MTG2: variants seen among roughly 807,000 people sequenced by gnomAD.
MTG2 encodes mitochondrial ribosome associated GTPase 2.
Under a neutral mutation model 28.6 loss-of-function variants are expected in MTG2, and 23 were observed. That is an observed-to-expected ratio of 0.80 (90% confidence interval 0.58 to 1.14). The LOEUF (loss-of-function observed/expected upper bound fraction) is 1.14, where lower values mean the gene tolerates loss of function less well. Ranked by LOEUF, MTG2 falls within the 50% of genes most tolerant of loss-of-function variation. The pLI, the probability that MTG2 is intolerant of heterozygous loss-of-function variation, is 0.00. For missense variants in MTG2, 539 were observed against 552.0 expected (o/e 0.98, Z 0.24); for synonymous variants, 260 against 251.8 (o/e 1.03, Z -0.31).
intron 1 of MTG2, among the ~76,000 whole-genome samples, chr20:62,192,978 C>A (rs1459935232): frequency 1.3e-5 from 2 of 152,182 alleles, no homozygotes; most frequent in Non-Finnish European, 2.9e-5. Flanking sequence ...GCCGCTATGC[C>A]CCATGTTTAA....
intron 2 of MTG2, among the ~76,000 whole-genome samples, chr20:62,195,240 G>C (rs1288213314): frequency 6.6e-6 from 1 of 152,146 alleles, no homozygotes; most frequent in Non-Finnish European, 1.5e-5. Context: ...CCAGCGAGGG[G>C]CTCTGTTTGC....
chr20:62,193,908 A>T (rs2058009327), intron 2 of MTG2: 1 of 385,986 alleles, frequency 2.6e-6, no homozygotes, highest in Admixed American at 4.4e-5. Context: ...TGTATGTTAC[A>T]TATATCCTTT....
rs567424182 is a variant in MTG2, at chr20:62,189,292, G to C, written c.-5-4124G>C. Among the ~76,000 whole-genome samples, 30 of 150,446 alleles carry C rather than the reference G, an allele frequency of 2.0e-4. No individual in the cohort carries two copies. In the East Asian group the frequency reaches 5.8e-3, roughly 29 times the overall value. ...TGTGCTCCAGCTTGGGTGACAGAGTGAGACTCTGTCTCAAAAAAAAAAAAG... is the reference window on the plus strand; with the variant it reads ...TGTGCTCCAGCTTGGGTGACAGAGTCAGACTCTGTCTCAAAAAAAAAAAAG... On this transcript the variant is annotated intron_variant, in intron 1 of 6. Transcript: ENST00000370823.
chr20:62,186,526 TTG>T (rs1491040322), intron 1 of MTG2, among the ~76,000 whole-genome samples: 34 of 86,904 alleles, frequency 3.9e-4, no homozygotes, highest in Admixed American at 2.8e-3. Flanking sequence ...ACTTTTTTTT[TTG>T]TTTTTTTTTT....
chr20:62,194,404 A>G lies in MTG2; in HGVS notation c.204+780A>G, dbSNP rs529771531. Among the ~76,000 whole-genome samples the G allele has an allele frequency of 3.3e-5, 5 of 152,296 alleles. No individual in the cohort carries two copies. In the South Asian group the frequency reaches 1.0e-3, roughly 32 times the overall value. Reference sequence around the variant, plus strand: ...GGCTTGTCTCCTCCCCAGGAGAGAAAGTGAGTCGAGGTTTTGTCCTCCACG... The same window carrying G: ...GGCTTGTCTCCTCCCCAGGAGAGAAGGTGAGTCGAGGTTTTGTCCTCCACG... On this transcript the variant is annotated intron_variant, in intron 2 of 6. Transcript: ENST00000370823.
At chr20:62,198,121 C>A in intron 4 of MTG2, 154 bp downstream of exon 4, 1 of 624,734 alleles carries the variant, frequency 1.6e-6, no homozygotes, top group East Asian at 2.7e-5. Flanking sequence ...AGCGGGAAAG[C>A]AGCCCCACCC....
intron 4 of MTG2, 65 bp from the exon 5 acceptor site, chr20:62,198,569 T>C: frequency 6.6e-7 from 1 of 1,525,866 alleles, no homozygotes; most frequent in Non-Finnish European, 9.0e-7. Context: ...GCTTCAGGAA[T>C]GGGTTAAGGC....
Position 62,189,664 on chromosome 20 carries a change from C to CTTT in MTG2, c.-5-3735_-5-3733dup, listed in dbSNP as rs34528319. 4.4e-3 allele frequency among the ~76,000 whole-genome samples: 503 copies of CTTT among 113,642 alleles called. 11 individuals are homozygous for CTTT. The highest frequency in any genetic ancestry group is 0.011 in the African/African-American group (344 of 31,310). The allele number at this position is 113,642 out of a possible 152,430, so 74.6% of individuals were successfully genotyped here. ...TTTAATTAGAATTTGTAAACATTAA[C>CTTT]TTTTTTTTTTTTTTTTTTTGAGATG... is the stretch of plus-strand genomic sequence containing the variant. On this transcript the variant is annotated intron_variant, in intron 1 of 6. Transcript: ENST00000370823.
intron 1 of MTG2, among the ~76,000 whole-genome samples, chr20:62,191,907 G>A (rs1433990817): frequency 6.6e-6 from 1 of 152,242 alleles, no homozygotes; most frequent in Non-Finnish European, 1.5e-5. Flanking sequence ...TGAGCGGCTT[G>A]TTGAATGAGT....
rs141436586 is a variant in MTG2, at chr20:62,199,190, C to T, written c.759C>T (p.Ser253=). The T allele has an allele frequency of 2.5e-6, 4 of 1,614,086 alleles. No individual in the cohort carries two copies. The highest frequency in any genetic ancestry group is 1.3e-5 in the African/African-American group (1 of 74,944). ...CAAACGCCAGACCCGCCGTGGCTTC[C>T]TACCCGTTCACCACCCTGAAGCCCC... ...AISNARPAVA[S]YPFTTLKPHV... is the part of the protein sequence containing the mutation. Residue 253 remains serine (S), a synonymous_variant, in exon 6 of 7, where the codon TCC becomes TCT. Coordinates refer to ENST00000370823, the MANE Select transcript of MTG2 (RefSeq NM_015666.4).
intron 1 of MTG2, chr20:62,188,745 A>T (rs1328630698): frequency 2.0e-5 from 3 of 152,160 alleles, no homozygotes; most frequent in East Asian, 3.9e-4. Context: ...TTTTTAAATT[A>T]AAAAAATTGT....
At chr20:62,184,750 A>C (rs1210153363) in intron 1 of MTG2, among the ~76,000 whole-genome samples, 1 of 152,206 alleles carries the variant, frequency 6.6e-6, no homozygotes, top group Non-Finnish European at 1.5e-5. Flanking sequence ...TGGAAAAGCA[A>C]ATGGAAGATA....
intron 1 of MTG2, among the ~76,000 whole-genome samples, chr20:62,185,786 C>T (rs1416502950): frequency 4.6e-5 from 7 of 152,176 alleles, no homozygotes; most frequent in Admixed American, 3.3e-4. Context: ...CAAATGGCCA[C>T]ATTTGGCCAG....
At position 62,202,435 on chromosome 20, in the gene MTG2, CA is replaced by C. The variant is rs1191780480; in HGVS notation, c.*1364del. ...TGAGTGACAGAGCGAGACCCTGTCT[CA>C]AAAAACAAACAAACAAACAAACAAA... On this transcript the variant is annotated 3_prime_UTR_variant, in exon 7 of 7. Coordinates refer to ENST00000370823, the MANE Select transcript of MTG2 (RefSeq NM_015666.4). 6.7e-6 allele frequency: 1 copy of C among 148,310 alleles called. No individual in the cohort carries two copies. The highest frequency in any genetic ancestry group is 1.5e-5 in the Non-Finnish European group (1 of 68,660). The allele number at this position is 148,310 out of a possible 1,614,324, so 9.2% of individuals were successfully genotyped here.
chr20:62,201,246 G>A lies in MTG2; in HGVS notation c.*169G>A, dbSNP rs2184160. ...ATGCCCTCATGTTGGGAAGCATTCC[G>A]TGCCCCCTACCCCGCCTGCCCTCCG... is the stretch of plus-strand genomic sequence containing the variant. On this transcript the variant is annotated 3_prime_UTR_variant, in exon 7 of 7. Coordinates refer to ENST00000370823, the MANE Select transcript of MTG2 (RefSeq NM_015666.4). The A allele has an allele frequency of 0.22, 182,403 of 811,554 alleles. 22,255 individuals are homozygous for A. The highest frequency in any genetic ancestry group is 0.38 in the South Asian group (20,423 of 53,504). 50.3% of individuals were successfully genotyped at this position (811,554 alleles called of 1,614,324 possible). A position where few individuals can be genotyped will look rare whatever the true frequency, so the allele number is the denominator to read the frequency against.
chr20:62,194,395 A>G (rs113141813), intron 2 of MTG2, among the ~76,000 whole-genome samples: 17 of 152,334 alleles, frequency 1.1e-4, no homozygotes, highest in African/African-American at 3.8e-4. Flanking sequence ...TCTCCTCCCC[A>G]GGAGAGAAAG....
Position 62,195,885 on chromosome 20 carries a change from C to A in MTG2, c.288C>A (p.Pro96=). The A allele has an allele frequency of 6.2e-7, 1 of 1,614,148 alleles. No homozygotes were observed. Among genetic ancestry groups the A allele is most frequent in the South Asian group, 1.1e-5 (1 of 91,076 alleles). ...GGGCAAGCTGCTTCCACAGTGAGCC[C>A]CGCAAGGAGTTTGGAGGCCCTGATG... ...GAGASCFHSE[P]RKEFGGPDGG... Residue 96 remains proline (P), a synonymous_variant, in exon 3 of 7, where the codon CCC becomes CCA. Coordinates refer to ENST00000370823, the MANE Select transcript of MTG2 (RefSeq NM_015666.4).
chr20:62,185,962 T>C (rs1008609217), intron 1 of MTG2, among the ~76,000 whole-genome samples: 5 of 152,132 alleles, frequency 3.3e-5, no homozygotes, highest in Non-Finnish European at 7.4e-5. Flanking sequence ...GGAAGCAAAT[T>C]AGGCAAGACT....
intron 4 of MTG2, chr20:62,198,233 A>T (rs1008699751): frequency 3.1e-5 from 16 of 524,004 alleles, no homozygotes; most frequent in Non-Finnish European, 2.1e-5. Flanking sequence ...GAGGGAGCCC[A>T]CGGCACGGAC....
Sources: allele counts gnomAD v4.1 joint callset (sites outside exome capture counted in the v4.1 genomes callset), GRCh38; gene constraint gnomAD v4.1.1; transcripts MANE v1.5; gene names NCBI Gene and HGNC (gene_info 2026-07-23, HGNC 2026-07-21).